The following WWOX variants were observed in gnomAD, a reference collection of about 807,000 sequenced individuals.
The protein encoded by WWOX is WW domain containing oxidoreductase.
A neutral mutation model predicts 46.2 loss-of-function variants in WWOX; 69 were observed. The observed-to-expected ratio is 1.49, with a 90% CI of 1.23 to 1.82. The LOEUF is 1.82. WWOX is among the 40% of genes most tolerant of loss of function. The pLI, the probability that WWOX is intolerant of heterozygous loss-of-function variation, is 0.00. For synonymous variants in WWOX, 359 were observed against 202.6 expected, an observed-to-expected ratio of 1.77 and a Z score of -6.56; for missense variants, 919 against 542.6, an observed-to-expected ratio of 1.69 and a Z score of -6.89.
At chr16:79,108,986 T>C (rs1459952094) in intron 8 of WWOX, among the ~76,000 whole-genome samples, 1 of 152,064 alleles carries the variant, frequency 6.6e-6, no homozygotes, top group Admixed American at 6.6e-5. Flanking sequence ...ATTATCCTTC[T>C]TCTCCCCATC....
chr16:78,299,516 CTTTTCTTTTT>C (rs2080002738), intron 5 of WWOX, among the ~76,000 whole-genome samples: 1 of 146,916 alleles, frequency 6.8e-6, no homozygotes, highest in African/African-American at 2.5e-5. Context: ...CTTTTCTTTT[CTTTTCTTTTT>C]TTTTTTTTTG....
At chr16:78,478,655 A>G (rs1282139235) in intron 8 of WWOX, among the ~76,000 whole-genome samples, 1 of 152,168 alleles carries the variant, frequency 6.6e-6, no homozygotes, top group African/African-American at 2.4e-5. Flanking sequence ...CCGTTGAGTT[A>G]CTGGTTCACT....
chr16:78,491,005 C>G (rs556546053), intron 8 of WWOX, among the ~76,000 whole-genome samples: 50 of 152,294 alleles, frequency 3.3e-4, no homozygotes, highest in Non-Finnish European at 6.3e-4. Context: ...AGCCTTCTTT[C>G]CTTCCACCTC....
chr16:78,561,998 G>C (rs1457908112), intron 8 of WWOX, among the ~76,000 whole-genome samples: 1 of 152,172 alleles, frequency 6.6e-6, no homozygotes, highest in Non-Finnish European at 1.5e-5. Flanking sequence ...TTGACATTCA[G>C]GATTGCTATA....
chr16:78,685,373 T>C (rs1013665941), intron 8 of WWOX, among the ~76,000 whole-genome samples: 6 of 152,040 alleles, frequency 3.9e-5, no homozygotes, highest in Admixed American at 1.3e-4. Flanking sequence ...ATATTCAGAG[T>C]CTGACACAAT....
chr16:78,901,131 C>G (rs1048699455), intron 8 of WWOX, among the ~76,000 whole-genome samples: 1 of 152,178 alleles, frequency 6.6e-6, no homozygotes, highest in Admixed American at 6.5e-5. Context: ...AGCTGGGATT[C>G]AGAGTCCATT....
At chr16:79,197,473 C>G (rs559897780) in intron 8 of WWOX, among the ~76,000 whole-genome samples, 2 of 152,084 alleles carry the variant, frequency 1.3e-5, no homozygotes, top group South Asian at 2.1e-4. Flanking sequence ...GCACTGCCCC[C>G]CTCCAGTGAG....
rs529851945 is a variant in WWOX, at chr16:79,024,541, C to T, written c.1057-187067C>T. Reference sequence around the variant, plus strand: ...CTCCGCCTCCCAGGTTCACGCCATTCTCCTGCCTCAGCCTCCCGAGTAGCT... The same window carrying T: ...CTCCGCCTCCCAGGTTCACGCCATTTTCCTGCCTCAGCCTCCCGAGTAGCT... On this transcript the variant is annotated intron_variant, in intron 8 of 8. Coordinates refer to ENST00000566780, the MANE Select transcript of WWOX (RefSeq NM_016373.4). Among the ~76,000 whole-genome samples the T allele has an allele frequency of 4.7e-3, 719 of 152,284 alleles. 2 individuals carry two copies. The highest frequency in any genetic ancestry group is 7.8e-3 in the Non-Finnish European group (528 of 68,020).
intron 8 of WWOX, among the ~76,000 whole-genome samples, chr16:78,630,666 A>T (rs1412135283): frequency 6.6e-6 from 1 of 152,078 alleles, no homozygotes; most frequent in Non-Finnish European, 1.5e-5. Flanking sequence ...CCCTGTGCTC[A>T]TTTTGCCTTG....
intron 8 of WWOX, among the ~76,000 whole-genome samples, chr16:78,742,396 C>T (rs78513683): frequency 0.011 from 1,674 of 152,266 alleles, 35 homozygotes; most frequent in African/African-American, 0.038. Context: ...TGTTTCAGCG[C>T]CCTGGCTTCT....
intron 6 of WWOX, among the ~76,000 whole-genome samples, chr16:78,419,103 G>GT (rs143037633): frequency 0.015 from 2,250 of 152,018 alleles, 48 homozygotes; most frequent in East Asian, 0.063. Flanking sequence ...CAGGATAAAA[G>GT]TAGGATAAAA....
At chr16:78,272,889 C>T (rs1389875819) in intron 5 of WWOX, among the ~76,000 whole-genome samples, 1 of 152,142 alleles carries the variant, frequency 6.6e-6, no homozygotes, top group African/African-American at 2.4e-5. Context: ...TTCACCCCCA[C>T]AAGACAACAT....
chr16:78,688,548 C>T (rs1408306873), intron 8 of WWOX, among the ~76,000 whole-genome samples: 1 of 152,150 alleles, frequency 6.6e-6, no homozygotes, highest in African/African-American at 2.4e-5. Context: ...CCCTCCTCAG[C>T]GGAGACAACT....
intron 8 of WWOX, among the ~76,000 whole-genome samples, chr16:79,166,596 A>G (rs992480132): frequency 3.9e-5 from 6 of 152,088 alleles, no homozygotes; most frequent in Non-Finnish European, 7.4e-5. Context: ...AGGTAGACTT[A>G]TTTTTCGAGT....
chr16:78,300,719 A>G (rs555330881), intron 5 of WWOX, among the ~76,000 whole-genome samples: 1 of 152,146 alleles, frequency 6.6e-6, no homozygotes, highest in African/African-American at 2.4e-5. Flanking sequence ...TACCATCAAG[A>G]TAACGTTTTT....
intron 8 of WWOX, among the ~76,000 whole-genome samples, chr16:78,884,230 G>T (rs1427741221): frequency 7.1e-6 from 1 of 141,844 alleles, no homozygotes; most frequent in Non-Finnish European, 1.5e-5. Flanking sequence ...CTGTGATTAG[G>T]TCCCTGCACT....
At chr16:78,206,754 AG>A (rs34437058) in intron 5 of WWOX, among the ~76,000 whole-genome samples, 34,702 of 152,048 alleles carry the variant, frequency 0.23, 4,019 homozygotes, top group African/African-American at 0.24. Context: ...TTTTGACTAG[AG>A]TGTTAATTAT....
chr16:78,708,006 C>G (rs1244182918), intron 8 of WWOX, among the ~76,000 whole-genome samples: 2 of 152,110 alleles, frequency 1.3e-5, no homozygotes, highest in Admixed American at 6.5e-5. Flanking sequence ...GACCTGAAAT[C>G]CCATGGCTAG....
intron 8 of WWOX, among the ~76,000 whole-genome samples, chr16:79,091,492 T>G (rs1473422868): frequency 6.6e-6 from 1 of 152,108 alleles, no homozygotes; most frequent in African/African-American, 2.4e-5. Flanking sequence ...AATCTGGGAT[T>G]TATGATCTTC....
Sources: allele counts gnomAD v4.1 joint callset (sites outside exome capture counted in the v4.1 genomes callset), GRCh38; gene constraint gnomAD v4.1.1; transcripts MANE v1.5; gene names NCBI Gene and HGNC (gene_info 2026-07-23, HGNC 2026-07-21).